Variants in MTA3 observed in about 807,000 individuals in gnomAD.
MTA3 encodes the protein metastasis-associated protein MTA3.
A neutral mutation model predicts 83.5 loss-of-function variants in MTA3; 34 were observed. The ratio of observed to expected loss-of-function variants is 0.41; its 90% CI spans 0.31 to 0.54. MTA3 has a LOEUF of 0.54. Ranked by LOEUF, MTA3 falls within the 20% of genes least tolerant of loss-of-function variation. The pLI, the probability that MTA3 is intolerant of heterozygous loss-of-function variation, is 0.33. For synonymous variants in MTA3, 303 were observed against 252.7 expected (o/e 1.20, Z -1.89); for missense variants, 761 against 726.4 (o/e 1.05, Z -0.55).
In MTA3 at chr2:42,736,274, C is replaced by T. The variant is rs570142653; in HGVS notation, c.1759+13239C>T. On this transcript the variant is annotated intron_variant, in intron 16 of 16. Coordinates refer to ENST00000405094, the MANE Select transcript of MTA3 (RefSeq NM_001330442.2). Reference sequence around the variant, plus strand: ...CTCTTGTTCTCTTCTTTTACTTTCACTCAAACAAATGGACACTATGTCTCT... The same window carrying T: ...CTCTTGTTCTCTTCTTTTACTTTCATTCAAACAAATGGACACTATGTCTCT... 7.9e-5 allele frequency among the ~76,000 whole-genome samples: 12 copies of T among 152,284 alleles called. No individual in the cohort carries two copies. The East Asian group carries it at 1.9e-3, about 25-fold the overall frequency.
intron 4 of MTA3, among the ~76,000 whole-genome samples, chr2:42,618,434 C>T (rs962150715): frequency 2.6e-5 from 4 of 152,130 alleles, no homozygotes; most frequent in South Asian, 2.1e-4. Flanking sequence ...GCTGTTACTT[C>T]AGCATTAGCT....
At chr2:42,661,872 T>C (rs1689752387) in intron 8 of MTA3, among the ~76,000 whole-genome samples, 1 of 152,172 alleles carries the variant, frequency 6.6e-6, no homozygotes, top group South Asian at 2.1e-4. Context: ...TTTTCAACCA[T>C]TATAGTTAAT....
chr2:42,572,918 G>A (rs1678652026), intron 2 of MTA3, among the ~76,000 whole-genome samples: 2 of 152,026 alleles, frequency 1.3e-5, no homozygotes, highest in South Asian at 4.2e-4. Flanking sequence ...ATTAGAGACA[G>A]AGTTTCACCA....
chr2:42,719,109 G>C (rs1268350416), intron 15 of MTA3, 35 bp downstream of exon 15: 1 of 1,441,696 alleles, frequency 6.9e-7, no homozygotes, highest in Admixed American at 2.0e-5. Context: ...AACTCAAAGA[G>C]CAATTTCTGA....
chr2:42,688,477 A>G (rs1692586767), intron 9 of MTA3, among the ~76,000 whole-genome samples: 1 of 152,200 alleles, frequency 6.6e-6, no homozygotes, highest in South Asian at 2.1e-4. Flanking sequence ...GACTAATGAT[A>G]AGCCTCTTTT....
chr2:42,504,953 C>A (rs941517431), intron 2 of MTA3, among the ~76,000 whole-genome samples: 1 of 152,180 alleles, frequency 6.6e-6, no homozygotes, highest in Admixed American at 6.5e-5. Flanking sequence ...CCCTGTTGGA[C>A]TGGGATGACC....
intron 2 of MTA3, among the ~76,000 whole-genome samples, chr2:42,558,933 C>A (rs1174498181): frequency 6.6e-6 from 1 of 151,956 alleles, no homozygotes; most frequent in East Asian, 1.9e-4. Flanking sequence ...TCAGCCTTGT[C>A]TCAGTAGTTC....
intron 4 of MTA3, among the ~76,000 whole-genome samples, chr2:42,612,745 C>A (rs1277755671): frequency 2.6e-5 from 4 of 152,010 alleles, no homozygotes; most frequent in Non-Finnish European, 5.9e-5. Flanking sequence ...CCTGTAATCC[C>A]AGCTACTCTG....
chr2:42,719,305 C>T (rs1485861297), intron 15 of MTA3, among the ~76,000 whole-genome samples: 2 of 151,884 alleles, frequency 1.3e-5, no homozygotes, highest in African/African-American at 4.8e-5. Context: ...TCCAAAAAGC[C>T]ATCGAATAAA....
chr2:42,605,189 C>G (rs1302444096), intron 3 of MTA3, among the ~76,000 whole-genome samples: 1 of 142,008 alleles, frequency 7.0e-6, no homozygotes, highest in East Asian at 2.1e-4. Flanking sequence ...ACCTCCCGGA[C>G]GGGGCGGCTG....
chr2:42,716,908 T>C (rs1444607823), intron 14 of MTA3, among the ~76,000 whole-genome samples: 1 of 152,216 alleles, frequency 6.6e-6, no homozygotes, highest in Non-Finnish European at 1.5e-5. Flanking sequence ...ACCACACTGT[T>C]TTCCACATGG....
intron 16 of MTA3, among the ~76,000 whole-genome samples, chr2:42,738,862 G>A (rs1018392548): frequency 3.9e-5 from 6 of 152,122 alleles, no homozygotes; most frequent in Admixed American, 6.6e-5. Context: ...CTCCCATAGC[G>A]CTCCAAGGCT....
At chr2:42,747,429 C>T (rs970796157) in intron 16 of MTA3, among the ~76,000 whole-genome samples, 11 of 151,846 alleles carry the variant, frequency 7.2e-5, no homozygotes, top group African/African-American at 1.2e-4. Flanking sequence ...AGAAAGGCAC[C>T]GGGGTGGGGG....
rs1043876379 is a variant in MTA3 at position 42,750,016 on chromosome 2, G to A, written c.1760-3358G>A. 1.5e-4 allele frequency among the ~76,000 whole-genome samples: 22 copies of A among 151,244 alleles called. No homozygotes were observed. The East Asian group carries it at 4.3e-3, about 30-fold the overall frequency. ...TTTTATTTATTTATTTTTTTGAGAC[G>A]GAGTCTCACTCTGTCGCCAGGCTGG... On this transcript the variant is annotated intron_variant, in intron 16 of 16. Coordinates refer to ENST00000405094, the MANE Select transcript of MTA3 (RefSeq NM_001330442.2).
chr2:42,496,805 C>T (rs1470371243), intron 2 of MTA3, among the ~76,000 whole-genome samples: 2 of 152,118 alleles, frequency 1.3e-5, no homozygotes, highest in Non-Finnish European at 2.9e-5. Flanking sequence ...AACCTTCTAC[C>T]TCATCTCTTT....
At chr2:42,505,831 T>G (rs1674605344) in intron 2 of MTA3, among the ~76,000 whole-genome samples, 1 of 148,858 alleles carries the variant, frequency 6.7e-6, no homozygotes, top group Non-Finnish European at 1.5e-5. Context: ...TGCAATGGCG[T>G]GATCTCAGCT....
chr2:42,570,842 C>A (rs944242117), intron 2 of MTA3, among the ~76,000 whole-genome samples: 4 of 151,582 alleles, frequency 2.6e-5, no homozygotes, highest in Admixed American at 2.6e-4. Flanking sequence ...GAAACCCCGT[C>A]TGTACTAAAA....
chr2:42,746,256 A>G lies in MTA3; in HGVS notation c.1760-7118A>G, dbSNP rs146648233. On this transcript the variant is annotated intron_variant, in intron 16 of 16. Transcript: ENST00000405094. ...TTTCTGGTTTTATTAAACTTGAAAT[A>G]GAATGATTCTTACAGCATCTGTAAA... Among the ~76,000 whole-genome samples the G allele has an allele frequency of 6.6e-5, 10 of 152,324 alleles. No individual in the cohort carries two copies. The East Asian group carries it at 1.9e-3, about 29-fold the overall frequency.
At chr2:42,641,394 T>C (rs1041359554) in intron 5 of MTA3, among the ~76,000 whole-genome samples, 2 of 152,088 alleles carry the variant, frequency 1.3e-5, no homozygotes, top group Admixed American at 6.6e-5. Context: ...TAATAGACTT[T>C]ATAACTTACC....
Sources: allele counts gnomAD v4.1 joint callset (sites outside exome capture counted in the v4.1 genomes callset), GRCh38; gene constraint gnomAD v4.1.1; transcripts MANE v1.5; gene names NCBI Gene and HGNC (gene_info 2026-07-23, HGNC 2026-07-21).